The following NFIC variants were observed in gnomAD, a reference collection of about 807,000 sequenced individuals.
NFIC encodes nuclear factor I C.
NFIC carries 12 observed loss-of-function variants against 54.4 expected under a neutral mutation model. The ratio of observed to expected loss-of-function variants is 0.22; its 90% CI spans 0.14 to 0.36. The LOEUF (loss-of-function observed/expected upper bound fraction) is 0.36, where lower values mean the gene tolerates loss of function less well. Among genes scored for constraint, NFIC ranks in the 10% least tolerant of loss-of-function variants. The probability of loss-of-function intolerance (pLI) is 1.00; values close to 1 mark genes in which losing one functional copy is unlikely to be tolerated. For synonymous variants in NFIC, 322 were observed against 319.2 expected (o/e 1.01, Z -0.09); for missense variants, 575 against 718.2 (o/e 0.80, Z 2.28).
intron 7 of NFIC, 116 bp downstream of exon 7, chr19:3,449,255 G>T: frequency 7.0e-7 from 1 of 1,428,446 alleles, no homozygotes; most frequent in South Asian, 1.4e-5. Flanking sequence ...TAGCCTTCTA[G>T]GTGGGCAAAA....
chr19:3,397,027 T>C (rs887449953), intron 2 of NFIC, among the ~76,000 whole-genome samples: 1 of 151,998 alleles, frequency 6.6e-6, no homozygotes, highest in African/African-American at 2.4e-5. Flanking sequence ...CAGGGGTGTG[T>C]CTGCATGCGT....
At position 3,453,999 on chromosome 19, in the gene NFIC, G is replaced by T. The variant is rs553668978; in HGVS notation, c.1423+83G>T. ...CCTCCCCAGCCCCACTGCCAGGTCA[G>T]AGGTCAGGCCCGACCCTGCAGGGCC... On this transcript the variant is annotated intron_variant, in intron 9 of 10. Coordinates refer to ENST00000443272, the MANE Select transcript of NFIC (RefSeq NM_001245002.2). The surrounding 1 kb of genome is among the most constrained non-coding windows in gnomAD (Gnocchi z 6.7). 12 of 1,425,402 alleles carry T rather than the reference G, an allele frequency of 8.4e-6. No homozygotes were observed. The South Asian group carries it at 1.1e-4, about 13-fold the overall frequency. 88.3% of individuals were successfully genotyped at this position (1,425,402 alleles called of 1,614,324 possible).
rs941308756 is a variant in NFIC at position 3,430,327 on chromosome 19, A to G, written c.635-3191A>G. Among the ~76,000 whole-genome samples the G allele has an allele frequency of 2.0e-5, 3 of 151,624 alleles. No individual in the cohort carries two copies. The Middle Eastern group carries it at 0.01, about 516-fold the overall frequency. ...AACCTCCACCTTCCTGGTTCAAGCA[A>G]TTCTCATGGCTCAGCCTCCCAAGTA... On this transcript the variant is annotated intron_variant, in intron 3 of 10. Transcript: ENST00000443272.
At chr19:3,455,707 G>A (rs750483333) in intron 9 of NFIC, among the ~76,000 whole-genome samples, 2 of 150,952 alleles carry the variant, frequency 1.3e-5, no homozygotes, top group Non-Finnish European at 3.0e-5. Flanking sequence ...GGGCTCGGTG[G>A]GATTATGCCC....
chr19:3,398,702 A>G (rs369449032), intron 2 of NFIC, among the ~76,000 whole-genome samples: 11 of 152,114 alleles, frequency 7.2e-5, no homozygotes, highest in African/African-American at 2.7e-4. Context: ...AGCCCCACAG[A>G]CAGCCCGGGA....
intron 2 of NFIC, among the ~76,000 whole-genome samples, chr19:3,423,725 C>T (rs1242704082): frequency 1.3e-5 from 2 of 152,082 alleles, no homozygotes; most frequent in African/African-American, 2.4e-5. Context: ...GATGGAGGGG[C>T]GGGCGCCGGG....
chr19:3,443,422 CAAAAAA>C (rs1187383710), intron 6 of NFIC, among the ~76,000 whole-genome samples: 1 of 133,800 alleles, frequency 7.5e-6, no homozygotes, highest in Admixed American at 7.5e-5. Flanking sequence ...GACCCTATCT[CAAAAAA>C]AAAAAAAGAA....
At chr19:3,418,598 T>TC (rs1311717628) in intron 2 of NFIC, among the ~76,000 whole-genome samples, 8 of 152,052 alleles carry the variant, frequency 5.3e-5, no homozygotes, top group Non-Finnish European at 1.2e-4. Context: ...ACACCTGTAA[T>TC]CCCAGCACTT....
intron 6 of NFIC, among the ~76,000 whole-genome samples, chr19:3,440,546 T>C (rs565122486): frequency 6.6e-6 from 1 of 151,984 alleles, no homozygotes; most frequent in East Asian, 1.9e-4. Flanking sequence ...TTCTCGTGCC[T>C]CAGCCTCCCG....
At chr19:3,440,121 C>T (rs941602495) in intron 6 of NFIC, among the ~76,000 whole-genome samples, 3 of 152,070 alleles carry the variant, frequency 2.0e-5, no homozygotes, top group African/African-American at 4.8e-5. Flanking sequence ...TGGATTTATC[C>T]GCAGGGAAGA....
rs1426558709 is a variant in NFIC at position 3,453,946 on chromosome 19, G to A, written c.1423+30G>A. 6 of 1,496,240 alleles carry A rather than the reference G, an allele frequency of 4.0e-6. No homozygotes were observed. The highest frequency in any genetic ancestry group is 1.4e-5 in the African/African-American group (1 of 69,884). 92.7% of individuals were successfully genotyped at this position (1,496,240 alleles called of 1,614,324 possible). A position where few individuals can be genotyped will look rare whatever the true frequency, so the allele number is the denominator to read the frequency against. ...GCACGCGGGAAGCGGTGCCCTGGTG[G>A]GGCGGATGTCCGCAGGGGGGCCTGT... On this transcript the variant is annotated intron_variant, in intron 9 of 10. Coordinates refer to ENST00000443272, the MANE Select transcript of NFIC (RefSeq NM_001245002.2). This position sits in a 1 kb window ranked among gnomAD's most constrained non-coding sequence, Gnocchi z 6.7.
upstream of NFIC, among the ~76,000 whole-genome samples, chr19:3,363,265 ATATATTTTTT>A (rs1252306876): frequency 8.2e-5 from 4 of 48,724 alleles, no homozygotes; most frequent in Admixed American, 5.6e-4. Flanking sequence ...ATATATATAT[ATATATTTTTT>A]TTTTTTTTTT....
intron 2 of NFIC, among the ~76,000 whole-genome samples, chr19:3,392,840 C>T (rs965952991): frequency 1.3e-5 from 2 of 152,212 alleles, no homozygotes; most frequent in African/African-American, 4.8e-5. Flanking sequence ...CCGGATGTCT[C>T]GTCCAGATGG....
chr19:3,435,840 T>G (rs944627989), intron 6 of NFIC, among the ~76,000 whole-genome samples: 1 of 151,414 alleles, frequency 6.6e-6, no homozygotes, highest in African/African-American at 2.4e-5. Flanking sequence ...TCTTTCTTTT[T>G]TTTGAGATGG....
chr19:3,398,871 C>T (rs1011337823), intron 2 of NFIC, among the ~76,000 whole-genome samples: 6 of 152,242 alleles, frequency 3.9e-5, no homozygotes, highest in African/African-American at 9.6e-5. Flanking sequence ...GCTCCCTCCA[C>T]GGGCACTGGT....
At chr19:3,418,331 A>C (rs2081900520) in intron 2 of NFIC, among the ~76,000 whole-genome samples, 1 of 152,072 alleles carries the variant, frequency 6.6e-6, no homozygotes, top group Non-Finnish European at 1.5e-5. Context: ...TCCTGGGCTC[A>C]AGTGATCCTC....
In NFIC at chr19:3,453,828, G is replaced by GC; in HGVS notation, c.1340dup (p.Leu449AlafsTer93). The GC allele has an allele frequency of 6.3e-7, 1 of 1,594,364 alleles. No individual in the cohort carries two copies. The highest frequency in any genetic ancestry group is 8.5e-7 in the Non-Finnish European group (1 of 1,171,426). On this transcript the variant is annotated frameshift_variant, in exon 9 of 11. Coordinates refer to ENST00000443272, the MANE Select transcript of NFIC (RefSeq NM_001245002.2). LOFTEE classifies it high-confidence loss of function. This position sits in a 1 kb window ranked among gnomAD's most constrained non-coding sequence, Gnocchi z 6.7. The stretch of plus-strand genomic sequence containing the variant: ...TTTCTGCTCAGATGCTGGCACCTCC[G>GC]CCCCCGGGGCTGCCACGGCTGGCGC...
In NFIC at chr19:3,382,173, G is replaced by A. The variant is rs11878387; in HGVS notation, c.492G>A (p.Val164=). The A allele has an allele frequency of 1.2e-6, 2 of 1,612,286 alleles. No homozygotes were observed. Among genetic ancestry groups the A allele is most frequent in the Non-Finnish European group, 8.5e-7 (1 of 1,179,934 alleles). The change falls in exon 2 of 11, where the codon GTG becomes GTA. Residue 164 remains valine (V), a synonymous_variant. Coordinates refer to ENST00000443272, the MANE Select transcript of NFIC (RefSeq NM_001245002.2). The stretch of plus-strand genomic sequence containing the variant: ...AGTGCGGTCACCCGGTCCTGTGCGT[G>A]CAGCCGCACCACATTGGCGTGGCCG... ...AAQCGHPVLC[V]QPHHIGVAVK...
chr19:3,464,752 C>A lies in NFIC; in HGVS notation c.*1983C>A, dbSNP rs973886106. On this transcript the variant is annotated 3_prime_UTR_variant, in exon 11 of 11. Coordinates refer to ENST00000443272, the MANE Select transcript of NFIC (RefSeq NM_001245002.2). ...AAAGACCCAGGACCCTCCCCCATCACCCCCAAGAGAGGTTCGCCATCCTCT... is the reference window on the plus strand; with the variant it reads ...AAAGACCCAGGACCCTCCCCCATCAACCCCAAGAGAGGTTCGCCATCCTCT... The A allele has an allele frequency of 1.8e-5, 18 of 981,452 alleles. No individual in the cohort carries two copies. Among genetic ancestry groups the A allele is most frequent in the Non-Finnish European group, 2.2e-5 (18 of 826,532 alleles). 60.8% of individuals were successfully genotyped at this position (981,452 alleles called of 1,614,324 possible).
Sources: gnomAD v4.1 joint callset for allele counts (sites outside exome capture counted in the v4.1 genomes callset) on GRCh38, gnomAD v4.1.1 for gene constraint, Gnocchi (gnomAD v3.1) non-coding constraint, MANE v1.5 for transcripts, NCBI Gene and HGNC (gene_info 2026-07-23, HGNC 2026-07-21) for gene names.